The following UBALD1 variants were observed in gnomAD, a reference collection of about 807,000 sequenced individuals.
UBALD1 encodes UBA like domain containing 1, also known as UBA-like domain-containing protein 1.
In UBALD1, 5 loss-of-function variants were observed where a neutral mutation model predicts 16.1. The ratio of observed to expected loss-of-function variants is 0.31; its 90% CI spans 0.16 to 0.66. UBALD1 has a LOEUF of 0.66. UBALD1 is among the 30% of genes least tolerant of loss of function. UBALD1 has a pLI of 0.77. For missense variants in UBALD1, 220 were observed against 252.8 expected, an observed-to-expected ratio of 0.87 and a Z score of 0.88; for synonymous variants, 146 against 105.3, an observed-to-expected ratio of 1.39 and a Z score of -2.37.
At chr16:4,610,887 C>G (rs181688407) in intron 1 of UBALD1, 1 of 428,586 alleles carries the variant, frequency 2.3e-6, no homozygotes, top group East Asian at 3.5e-5. Flanking sequence ...GCAGTACACC[C>G]CATCCTGGGG....
chr16:4,611,653 G>C (rs1447207111), intron 1 of UBALD1: 1 of 152,874 alleles, frequency 6.5e-6, no homozygotes, highest in Non-Finnish European at 1.5e-5. Flanking sequence ...GACAGGTGGG[G>C]GAGACAGAGC....
At position 4,611,376 on chromosome 16, in the gene UBALD1, G is replaced by A. The variant is rs118141066; in HGVS notation, c.121-821C>T. The stretch of plus-strand genomic sequence containing the variant: ...CACCACGGGTTTACGACAGCTCCCA[G>A]CACAGCTCCCCAGCCACCCGCCCTT... On this transcript the variant is annotated intron_variant, in intron 1 of 2. Transcript: ENST00000283474. The A allele has an allele frequency of 4.8e-3, 733 of 152,500 alleles. 3 individuals carry two copies. Among genetic ancestry groups the A allele is most frequent in the Middle Eastern group, 0.01 (3 of 294 alleles). 9.4% of individuals were successfully genotyped at this position (152,500 alleles called of 1,614,324 possible). A position where few individuals can be genotyped will look rare whatever the true frequency, so the allele number is the denominator to read the frequency against.
chr16:4,614,609 C>T lies in UBALD1; in HGVS notation c.120+69G>A, dbSNP rs1897402911. The T allele has an allele frequency of 4.7e-6, 6 of 1,289,966 alleles. No individual in the cohort carries two copies. The South Asian group carries it at 1.6e-4, about 34-fold the overall frequency. The allele number at this position is 1,289,966 out of a possible 1,614,324, so 79.9% of individuals were successfully genotyped here. ...GGCACGCGTCCACGCCGTCCGCCCC[C>T]GCCCGGCGGCCACGCGGGACACACT... On this transcript the variant is annotated intron_variant, in intron 1 of 2. Coordinates refer to ENST00000283474, the MANE Select transcript of UBALD1 (RefSeq NM_145253.3).
rs1897327907 is a variant in UBALD1, at chr16:4,609,379, A to G, written c.*254T>C. ...CGAAGGAAGGCTGCGTGGTCTCTGA[A>G]GTTCTGTCCGCCAGGCACCCAGGCC... On this transcript the variant is annotated 3_prime_UTR_variant, in exon 3 of 3. Coordinates refer to ENST00000283474, the MANE Select transcript of UBALD1 (RefSeq NM_145253.3). 3 of 372,034 alleles carry G rather than the reference A, an allele frequency of 8.1e-6. No homozygotes were observed. The highest frequency in any genetic ancestry group is 9.2e-5 in the Admixed American group (2 of 21,796). The allele number at this position is 372,034 out of a possible 1,614,324, so 23.0% of individuals were successfully genotyped here. A position where few individuals can be genotyped will look rare whatever the true frequency, so the allele number is the denominator to read the frequency against.
chr16:4,608,918 G>A lies in UBALD1; in HGVS notation c.*715C>T, dbSNP rs1897321730. The stretch of plus-strand genomic sequence containing the variant: ...ATTCGTTCTTCTCTTTTGTTAAAAG[G>A]GGGAAAGGAAGTGGATGCGGGTACC... On this transcript the variant is annotated 3_prime_UTR_variant, in exon 3 of 3. Coordinates refer to ENST00000283474, the MANE Select transcript of UBALD1 (RefSeq NM_145253.3). 6.6e-6 allele frequency: 1 copy of A among 152,404 alleles called. No homozygotes were observed. Among genetic ancestry groups the A allele is most frequent in the Non-Finnish European group, 1.5e-5 (1 of 68,200 alleles). 9.4% of individuals were successfully genotyped at this position (152,404 alleles called of 1,614,324 possible).
intron 1 of UBALD1, among the ~76,000 whole-genome samples, chr16:4,613,703 T>C (rs760735993): frequency 2.0e-5 from 3 of 152,090 alleles, no homozygotes; most frequent in Non-Finnish European, 4.4e-5. Flanking sequence ...CCAACCACCA[T>C]GGGGTTAATC....
intron 2 of UBALD1, 34 bp downstream of exon 2, chr16:4,610,459 C>G: frequency 1.3e-6 from 2 of 1,576,798 alleles, no homozygotes; most frequent in Non-Finnish European, 1.7e-6. Context: ...CTCCTTCCGC[C>G]CAATCCAGAA....
chr16:4,614,417 G>GA (rs1489361315), intron 1 of UBALD1: 3 of 445,220 alleles, frequency 6.7e-6, no homozygotes, highest in South Asian at 1.1e-4. Context: ...GGGGTGGGGG[G>GA]GGTCCCCGTC....
chr16:4,614,873 C>G lies in UBALD1; in HGVS notation c.-76G>C, dbSNP rs908849934. The G allele has an allele frequency of 1.5e-6, 2 of 1,354,942 alleles. No individual in the cohort carries two copies. The highest frequency in any genetic ancestry group is 1.9e-6 in the Non-Finnish European group (2 of 1,040,764). 83.9% of individuals were successfully genotyped at this position (1,354,942 alleles called of 1,614,324 possible). A position where few individuals can be genotyped will look rare whatever the true frequency, so the allele number is the denominator to read the frequency against. The stretch of plus-strand genomic sequence containing the variant: ...CCTCACGCGTCCACCATTAGCGAGC[C>G]GGCTCCGGCTAATACAAATATTTAC... On this transcript the variant is annotated 5_prime_UTR_variant, in exon 1 of 3. Coordinates refer to ENST00000283474, the MANE Select transcript of UBALD1 (RefSeq NM_145253.3).
At chr16:4,610,245 C>T (rs1320436720) in intron 2 of UBALD1, 11 of 712,854 alleles carry the variant, frequency 1.5e-5, no homozygotes, top group African/African-American at 7.0e-5. Flanking sequence ...ACAGCATCCC[C>T]GGGGGCTGTA....
chr16:4,613,065 C>T (rs1171066964), intron 1 of UBALD1, among the ~76,000 whole-genome samples: 4 of 152,082 alleles, frequency 2.6e-5, no homozygotes, highest in South Asian at 2.1e-4. Flanking sequence ...AGGCAGGGCC[C>T]GCTTCCCACC....
In UBALD1 at chr16:4,609,578, G is replaced by A. The variant is rs1317633373; in HGVS notation, c.*55C>T. ...AGGGGTGAAGGGGGCCCGCAGAGAC[G>A]TCCTCTCCCCCGCCCCACGGGGTCC... On this transcript the variant is annotated 3_prime_UTR_variant, in exon 3 of 3. Transcript: ENST00000283474. 6.3e-6 allele frequency: 5 copies of A among 792,762 alleles called. No homozygotes were observed. The highest frequency in any genetic ancestry group is 6.6e-5 in the South Asian group (2 of 30,286). The allele number at this position is 792,762 out of a possible 1,614,324, so 49.1% of individuals were successfully genotyped here. A position where few individuals can be genotyped will look rare whatever the true frequency, so the allele number is the denominator to read the frequency against.
At chr16:4,610,695 A>G (rs1187632233) in intron 1 of UBALD1, 140 bp from the exon 2 acceptor site, 2 of 922,096 alleles carry the variant, frequency 2.2e-6, no homozygotes, top group Non-Finnish European at 3.2e-6. Context: ...GCTGAGGCTC[A>G]GTGGCTTGCC....
At chr16:4,610,340 A>C (rs1259980424) in intron 2 of UBALD1, 153 bp downstream of exon 2, 1 of 794,498 alleles carries the variant, frequency 1.3e-6, no homozygotes, top group Non-Finnish European at 2.0e-6. Flanking sequence ...TGCAGGACCC[A>C]CGGAGCCGGG....
chr16:4,609,908 C>T lies in UBALD1; in HGVS notation c.259G>A (p.Ala87Thr). 6.3e-7 allele frequency: 1 copy of T among 1,591,248 alleles called. No individual in the cohort carries two copies. Among genetic ancestry groups the T allele is most frequent in the South Asian group, 1.1e-5 (1 of 88,624 alleles). Residue 87 changes from alanine to threonine, a missense_variant, in exon 3 of 3, where the codon GCC becomes ACC. By Grantham distance (58) the Ala-to-Thr change is moderately conservative. This residue lies in a region of UBALD1 where 69 missense variants were observed against 120.3 expected (regional missense o/e 0.57). Transcript: ENST00000283474. ...DALTMFSRLK[A>T]SESFHSGGSG... is the part of the protein sequence containing the mutation. ...CCACCGCTGTGGAAGCTCTCGGAGG[C>T]CTTGAGACGGGAGAACATGGTGAGA...
At chr16:4,612,440 G>C (rs1241398045) in intron 1 of UBALD1, among the ~76,000 whole-genome samples, 1 of 152,078 alleles carries the variant, frequency 6.6e-6, no homozygotes, top group Non-Finnish European at 1.5e-5. Context: ...CTAAACAGGG[G>C]TGTGGGAGCT....
At chr16:4,614,486 T>C in intron 1 of UBALD1, 192 bp downstream of exon 1, 1 of 962,360 alleles carries the variant, frequency 1.0e-6, no homozygotes. Flanking sequence ...GGTGGCCCGG[T>C]TCCCACCTCC....
intron 1 of UBALD1, among the ~76,000 whole-genome samples, chr16:4,612,733 C>T (rs1386517100): frequency 4.6e-5 from 7 of 152,104 alleles, no homozygotes; most frequent in East Asian, 3.8e-4. Context: ...GCGGGTGGAG[C>T]GTGGAGAGGG....
intron 1 of UBALD1, 85 bp downstream of exon 1, chr16:4,614,593 C>G (rs981719009): frequency 1.6e-6 from 2 of 1,285,214 alleles, no homozygotes; most frequent in Middle Eastern, 3.0e-4. Flanking sequence ...CGGCACGCGT[C>G]CACGCCGTCC....
Sources: gnomAD v4.1 joint callset for allele counts (sites outside exome capture counted in the v4.1 genomes callset) on GRCh38, gnomAD v4.1.1 for gene constraint, gnomAD v4.1.1 regional missense constraint, MANE v1.5 for transcripts, NCBI Gene and HGNC (gene_info 2026-07-23, HGNC 2026-07-21) for gene names.